The following CPQ variants were observed in gnomAD, a reference collection of about 807,000 sequenced individuals.
The protein encoded by CPQ is carboxypeptidase Q.
Under a neutral mutation model 45.7 loss-of-function variants are expected in CPQ, and 37 were observed. The observed-to-expected ratio is 0.81, with a 90% CI of 0.62 to 1.07. The LOEUF is 1.07. CPQ is among the 50% of genes least tolerant of loss of function. The probability of loss-of-function intolerance (pLI) is 0.00; values close to 1 mark genes in which losing one functional copy is unlikely to be tolerated. For synonymous variants in CPQ, 186 were observed against 205.8 expected, an observed-to-expected ratio of 0.90 and a Z score of 0.82; for missense variants, 537 against 572.9, an observed-to-expected ratio of 0.94 and a Z score of 0.64.
At chr8:97,032,355 G>A (rs1003371256) in intron 6 of CPQ, among the ~76,000 whole-genome samples, 1 of 152,112 alleles carries the variant, frequency 6.6e-6, no homozygotes, top group African/African-American at 2.4e-5. Flanking sequence ...TGGCAGGCAG[G>A]GGGATAGTAG....
chr8:97,058,829 G>A (rs940728622), intron 6 of CPQ, among the ~76,000 whole-genome samples: 1 of 152,036 alleles, frequency 6.6e-6, no homozygotes, highest in African/African-American at 2.4e-5. Context: ...GCTTCCACAT[G>A]AAAGAATAAA....
At chr8:97,091,153 GGAA>G (rs1158107842) in intron 7 of CPQ, among the ~76,000 whole-genome samples, 1 of 152,188 alleles carries the variant, frequency 6.6e-6, no homozygotes, top group Non-Finnish European at 1.5e-5. Flanking sequence ...GGCGCTGTTG[GGAA>G]GTGGGGACCA....
intron 4 of CPQ, among the ~76,000 whole-genome samples, chr8:96,964,026 T>A (rs1351885950): frequency 6.6e-6 from 1 of 152,106 alleles, no homozygotes; most frequent in Non-Finnish European, 1.5e-5. Flanking sequence ...CTATGGAGTG[T>A]CCTATTGATA....
chr8:96,705,993 A>T (rs1463555049), intron 1 of CPQ, among the ~76,000 whole-genome samples: 1 of 151,712 alleles, frequency 6.6e-6, no homozygotes, highest in Non-Finnish European at 1.5e-5. Context: ...CCTCCCAGTT[A>T]CTCCACATTC....
intron 7 of CPQ, among the ~76,000 whole-genome samples, chr8:97,073,712 TG>T (rs1425323827): frequency 6.6e-6 from 1 of 152,046 alleles, no homozygotes; most frequent in East Asian, 1.9e-4. Context: ...GTTTACATTG[TG>T]ATGGAGGGGT....
At position 96,717,029 on chromosome 8, in the gene CPQ, ATATATATATATATAT is replaced by A. The variant is rs1563477611; in HGVS notation, c.-34-67834_-34-67820del. Among the ~76,000 whole-genome samples the A allele has an allele frequency of 9.7e-3, 125 of 12,864 alleles. 1 individual carries two copies. Among genetic ancestry groups the A allele is most frequent in the African/African-American group, 0.014 (114 of 8,072 alleles). 8.4% of individuals were successfully genotyped at this position (12,864 alleles called of 152,430 possible). A position where few individuals can be genotyped will look rare whatever the true frequency, so the allele number is the denominator to read the frequency against. ...GAGCAGTATTCCATGATATAAATATATATATATATATATATATATATATATATATATATATATATA... is the reference window on the plus strand; with the variant it reads ...GAGCAGTATTCCATGATATAAATATAATATATATATATATATATATATATA... On this transcript the variant is annotated intron_variant, in intron 1 of 7. Transcript: ENST00000220763.
chr8:96,963,479 G>T (rs746557214), intron 4 of CPQ, among the ~76,000 whole-genome samples: 2 of 152,134 alleles, frequency 1.3e-5, no homozygotes, highest in Non-Finnish European at 2.9e-5. Flanking sequence ...GACTGGGTCC[G>T]TATGTAAGTC....
intron 1 of CPQ, among the ~76,000 whole-genome samples, chr8:96,719,569 C>T (rs1049707044): frequency 9.2e-5 from 14 of 152,182 alleles, no homozygotes; most frequent in African/African-American, 2.7e-4. Context: ...CCTCAAGTGC[C>T]GCCAAAGTGG....
Position 96,879,934 on chromosome 8 carries a change from G to T in CPQ, c.778G>T (p.Ala260Ser), listed in dbSNP as rs1328065749. The T allele has an allele frequency of 2.5e-6, 4 of 1,614,076 alleles. No homozygotes were observed. The highest frequency in any genetic ancestry group is 3.4e-6 in the Non-Finnish European group (4 of 1,179,976). The change falls in exon 4 of 8, where the codon GCA (alanine) becomes TCA (serine). Residue 260 changes from alanine to serine, a missense_variant. Transcript: ENST00000220763. ...AATTGTCATTCAGCTAAAGATGGGG[G>T]CAAAGACCTACCCAGATACTGATTC... is the stretch of plus-strand genomic sequence containing the variant. ...IKIVIQLKMGAKTYPDTDSFN... is the reference protein window; with the variant it reads ...IKIVIQLKMGSKTYPDTDSFN...
intron 1 of CPQ, among the ~76,000 whole-genome samples, chr8:96,768,682 A>G (rs1810499622): frequency 6.6e-6 from 1 of 152,202 alleles, no homozygotes; most frequent in African/African-American, 2.4e-5. Context: ...ATTTTCATAT[A>G]TGCCTGTTTG....
At chr8:96,720,405 G>A (rs1043060064) in intron 1 of CPQ, among the ~76,000 whole-genome samples, 1 of 152,152 alleles carries the variant, frequency 6.6e-6, no homozygotes, top group Non-Finnish European at 1.5e-5. Flanking sequence ...AGAGTTTCAT[G>A]TGTGTGTGTT....
intron 4 of CPQ, among the ~76,000 whole-genome samples, chr8:96,894,184 A>G (rs776675743): frequency 6.6e-6 from 1 of 152,170 alleles, no homozygotes; most frequent in Non-Finnish European, 1.5e-5. Context: ...GATGACTTCA[A>G]CCCTGGCCAA....
intron 3 of CPQ, among the ~76,000 whole-genome samples, chr8:96,872,196 C>T (rs1460960371): frequency 6.6e-6 from 1 of 151,822 alleles, no homozygotes. Flanking sequence ...ACATACAGTT[C>T]ACTTGTGTTT....
chr8:96,905,705 T>A (rs1812566498), intron 4 of CPQ, among the ~76,000 whole-genome samples: 1 of 151,618 alleles, frequency 6.6e-6, no homozygotes. Flanking sequence ...TGACTTTGTT[T>A]TCCCTTTACA....
chr8:97,138,375 G>T (rs72664589), intron 7 of CPQ, among the ~76,000 whole-genome samples: 10,255 of 152,172 alleles, frequency 0.067, 468 homozygotes, highest in Non-Finnish European at 0.1. Context: ...CTGGTACAAA[G>T]TTGTAAGAAC....
At chr8:97,031,095 G>A (rs995309652) in intron 6 of CPQ, among the ~76,000 whole-genome samples, 1 of 151,830 alleles carries the variant, frequency 6.6e-6, no homozygotes, top group Non-Finnish European at 1.5e-5. Context: ...CTTTATCCTC[G>A]AGGCAAGAGA....
intron 1 of CPQ, among the ~76,000 whole-genome samples, chr8:96,722,992 C>T (rs1386952509): frequency 5.9e-5 from 9 of 152,066 alleles, no homozygotes; most frequent in Non-Finnish European, 1.0e-4. Flanking sequence ...ATTTAATGAG[C>T]GATGAGCATC....
At chr8:96,843,597 G>T (rs966193412) in intron 3 of CPQ, among the ~76,000 whole-genome samples, 2 of 152,156 alleles carry the variant, frequency 1.3e-5, no homozygotes, top group African/African-American at 2.4e-5. Context: ...TGGCAATTCT[G>T]CAGACAGACT....
chr8:96,980,747 CTGGA>C (rs577377116), intron 5 of CPQ, among the ~76,000 whole-genome samples: 129 of 152,218 alleles, frequency 8.5e-4, no homozygotes, highest in Middle Eastern at 3.4e-3. Flanking sequence ...TGAGTTTGGC[CTGGA>C]TAAGTTAACT....
Sources: allele counts gnomAD v4.1 joint callset (sites outside exome capture counted in the v4.1 genomes callset), GRCh38; gene constraint gnomAD v4.1.1; transcripts MANE v1.5; gene names NCBI Gene and HGNC (gene_info 2026-07-23, HGNC 2026-07-21).